Variants in MED13 observed in about 807,000 individuals in gnomAD.
MED13 encodes mediator of RNA polymerase II transcription subunit 13.
A neutral mutation model predicts 225.2 loss-of-function variants in MED13; 23 were observed. That is an observed-to-expected ratio of 0.10 (90% CI 0.07 to 0.14). The LOEUF is 0.14. Among genes scored for constraint, MED13 ranks in the 10% least tolerant of loss-of-function variants. The probability of loss-of-function intolerance (pLI) is 1.00; values close to 1 mark genes in which losing one functional copy is unlikely to be tolerated. For synonymous variants in MED13, 942 were observed against 889.2 expected (o/e 1.06, Z -1.06); for missense variants, 2,197 against 2,594.5 (o/e 0.85, Z 3.33).
At chr17:62,059,444 T>G (rs2143778953) in intron 2 of MED13, among the ~76,000 whole-genome samples, 1 of 152,292 alleles carries the variant, frequency 6.6e-6, no homozygotes, top group South Asian at 2.1e-4. Context: ...ATGTGGTGTG[T>G]GCTGAACCAA....
At chr17:61,952,907 T>C in intron 27 of MED13, 58 bp downstream of exon 27, 1 of 1,562,614 alleles carries the variant, frequency 6.4e-7, no homozygotes, top group South Asian at 1.2e-5. Context: ...AGTGCTGGGA[T>C]TTTAGGCGTA....
intron 2 of MED13, among the ~76,000 whole-genome samples, chr17:62,062,607 CA>C (rs542941991): frequency 4.9e-4 from 41 of 82,988 alleles, no homozygotes; most frequent in South Asian, 4.9e-3. Context: ...ACACCACACA[CA>C]CACACACACA....
At chr17:61,986,863 A>C in intron 12 of MED13, 144 bp downstream of exon 12, 1 of 439,656 alleles carries the variant, frequency 2.3e-6, no homozygotes, top group Non-Finnish European at 3.8e-6. Context: ...TTTAAAAAAG[A>C]AATCAATGAA....
At chr17:62,047,870 G>A (rs2080912269) in intron 3 of MED13, among the ~76,000 whole-genome samples, 1 of 151,724 alleles carries the variant, frequency 6.6e-6, no homozygotes, top group South Asian at 2.1e-4. Flanking sequence ...GATTACAGGT[G>A]TGAGCCTATA....
In MED13 at chr17:62,035,641, T is replaced by C. The variant is rs948825510; in HGVS notation, c.471-33A>G. The C allele has an allele frequency of 5.1e-6, 8 of 1,579,986 alleles. No individual in the cohort carries two copies. The African/African-American group carries it at 6.8e-5, about 13-fold the overall frequency. ...AGAAGAAAAAGTTTTATCTTAGTGATGACTAGTGGCCAAAAATGTTAACTT... is the reference window on the plus strand; with the variant it reads ...AGAAGAAAAAGTTTTATCTTAGTGACGACTAGTGGCCAAAAATGTTAACTT... On this transcript the variant is annotated intron_variant, in intron 3 of 29. Transcript: ENST00000397786.
chr17:61,982,722 C>G lies in MED13; in HGVS notation c.3281G>C (p.Cys1094Ser). 6.2e-7 allele frequency: 1 copy of G among 1,614,166 alleles called. No individual in the cohort carries two copies. The highest frequency in any genetic ancestry group is 2.2e-5 in the East Asian group (1 of 44,888). The change falls in exon 16 of 30, where the codon TGC becomes TCC. Residue 1094 changes from cysteine to serine, a missense_variant. Coordinates refer to ENST00000397786, the MANE Select transcript of MED13 (RefSeq NM_005121.3). Reference sequence around the variant, plus strand: ...GATGTTCATGTTGCAAACACAGATGCAACAACTATCAAAGTTACAGTCTTT... The same window carrying G: ...GATGTTCATGTTGCAAACACAGATGGAACAACTATCAAAGTTACAGTCTTT... ...LFKDCNFDSC[C>S]ICVCNMNIKG... is the part of the protein sequence containing the mutation.
intron 23 of MED13, among the ~76,000 whole-genome samples, chr17:61,959,412 TCTA>T (rs1479183817): frequency 2.6e-5 from 4 of 152,132 alleles, no homozygotes; most frequent in African/African-American, 9.7e-5. Flanking sequence ...ATTTTTTTTC[TCTA>T]CTTTCTCATA....
chr17:61,965,340 C>A lies in MED13; in HGVS notation c.4510G>T (p.Ala1504Ser). Residue 1504 changes from alanine (A) to serine (S), a missense_variant, in exon 20 of 30, where the codon GCC becomes TCC. Around this residue, in one of 12 missense-constraint regions of MED13, gnomAD observed 457 missense variants for 442.2 expected, o/e 1.03. Transcript: ENST00000397786. Reference protein sequence around the residue: ...TNTGNANTPSATLASAASSTM... With the variant: ...TNTGNANTPSSTLASAASSTM... ...CTGCTCGCTGCAGATGCTAAGGTGG[C>A]AGATGGAGTATTAGCATTTCCAGTA... 6.2e-7 allele frequency: 1 copy of A among 1,614,094 alleles called. No homozygotes were observed. Among genetic ancestry groups the A allele is most frequent in the Non-Finnish European group, 8.5e-7 (1 of 1,180,010 alleles).
At position 61,984,151 on chromosome 17, in the gene MED13, TG is replaced by T. The variant is rs1316830231; in HGVS notation, c.2888+19del. 6.7e-7 allele frequency: 1 copy of T among 1,482,496 alleles called. No homozygotes were observed. Among genetic ancestry groups the T allele is most frequent in the African/African-American group, 1.4e-5 (1 of 69,424 alleles). The allele number at this position is 1,482,496 out of a possible 1,614,324, so 91.8% of individuals were successfully genotyped here. On this transcript the variant is annotated intron_variant, in intron 15 of 29. Transcript: ENST00000397786. The stretch of plus-strand genomic sequence containing the variant: ...AGCTGTATAAGCAGTCACATACTAT[TG>T]TAACAACATAAATCATACCCCTCTT...
intron 9 of MED13, among the ~76,000 whole-genome samples, chr17:62,002,218 G>A (rs554215716): frequency 1.5e-4 from 23 of 152,088 alleles, no homozygotes; most frequent in African/African-American, 4.1e-4. Context: ...GGCTGGGCAC[G>A]GTGGCTCACT....
chr17:61,985,196 A>C, intron 12 of MED13, 106 bp from the exon 13 acceptor site: 1 of 903,442 alleles, frequency 1.1e-6, no homozygotes, highest in Middle Eastern at 2.5e-4. Flanking sequence ...CATTAAAAGT[A>C]GTATTTTGAA....
At chr17:61,973,918 G>A (rs1289308138) in intron 16 of MED13, among the ~76,000 whole-genome samples, 1 of 151,980 alleles carries the variant, frequency 6.6e-6, no homozygotes, top group Non-Finnish European at 1.5e-5. Flanking sequence ...AGAAGGCAGG[G>A]GTTGCAGTGA....
intron 26 of MED13, 125 bp from the exon 27 acceptor site, chr17:61,953,238 T>C (rs1457544616): frequency 1.1e-6 from 1 of 903,442 alleles, no homozygotes; most frequent in East Asian, 2.7e-5. Flanking sequence ...ATTTACTGAG[T>C]GTCTACCATG....
At chr17:62,046,693 CAGCCTTGGT>C (rs2080900474) in intron 3 of MED13, among the ~76,000 whole-genome samples, 1 of 152,162 alleles carries the variant, frequency 6.6e-6, no homozygotes. Context: ...AAAAATTAAC[CAGCCTTGGT>C]AGCGTGCACC....
intron 9 of MED13, among the ~76,000 whole-genome samples, chr17:62,001,114 A>C (rs910649618): frequency 1.3e-5 from 2 of 152,154 alleles, no homozygotes; most frequent in Non-Finnish European, 2.9e-5. Context: ...CGCTACTTTA[A>C]AAAAATCAGA....
intron 16 of MED13, among the ~76,000 whole-genome samples, chr17:61,976,680 A>AT (rs2080159243): frequency 6.6e-6 from 1 of 152,158 alleles, no homozygotes; most frequent in Non-Finnish European, 1.5e-5. Flanking sequence ...CACACTTGTA[A>AT]TCCCAGCACT....
intron 3 of MED13, among the ~76,000 whole-genome samples, chr17:62,045,476 T>C (rs1318268417): frequency 1.3e-5 from 2 of 152,074 alleles, no homozygotes; most frequent in Non-Finnish European, 2.9e-5. Context: ...TGAGTTATGA[T>C]TGCGCTACTG....
chr17:61,943,038 C>CA lies in MED13; in HGVS notation c.*3429dup, dbSNP rs2079826525. The CA allele has an allele frequency of 6.6e-6, 1 of 151,974 alleles. No individual in the cohort carries two copies. Among genetic ancestry groups the CA allele is most frequent in the Admixed American group, 6.6e-5 (1 of 15,176 alleles). 9.4% of individuals were successfully genotyped at this position (151,974 alleles called of 1,614,324 possible). ...ATCCAGTTTTTAAATTTATACTCCA[C>CA]AAAAAAGAAAATACATACATAAAAA... is the stretch of plus-strand genomic sequence containing the variant. On this transcript the variant is annotated 3_prime_UTR_variant, in exon 30 of 30. Coordinates refer to ENST00000397786, the MANE Select transcript of MED13 (RefSeq NM_005121.3).
At chr17:61,970,980 G>T (rs1423847433) in intron 17 of MED13, among the ~76,000 whole-genome samples, 2 of 151,764 alleles carry the variant, frequency 1.3e-5, no homozygotes, top group Non-Finnish European at 1.5e-5. Flanking sequence ...AGCCATGATT[G>T]TGCCACTGTA....
Sources: gnomAD v4.1 joint callset for allele counts (sites outside exome capture counted in the v4.1 genomes callset) on GRCh38, gnomAD v4.1.1 for gene constraint, gnomAD v4.1.1 regional missense constraint, MANE v1.5 for transcripts, NCBI Gene and HGNC (gene_info 2026-07-23, HGNC 2026-07-21) for gene names.